Variants in CENPK observed in about 807,000 individuals in gnomAD.
CENPK encodes the protein centromere protein K.
CENPK carries 46 observed loss-of-function variants against 40.9 expected under a neutral mutation model. The ratio of observed to expected loss-of-function variants is 1.13; its 90% CI spans 0.89 to 1.44. CENPK has a LOEUF of 1.44. CENPK is among the 40% of genes most tolerant of loss of function. The pLI, the probability that CENPK is intolerant of heterozygous loss-of-function variation, is 0.00. For synonymous variants in CENPK, 107 were observed against 104.4 expected, an observed-to-expected ratio of 1.02 and a Z score of -0.15; for missense variants, 288 against 303.5, an observed-to-expected ratio of 0.95 and a Z score of 0.38.
chr5:65,546,186 G>C (rs753291745), intron 5 of CENPK, among the ~76,000 whole-genome samples: 65 of 152,064 alleles, frequency 4.3e-4, no homozygotes, highest in Admixed American at 1.4e-3. Context: ...TTAGTAACTA[G>C]TTATATGTTC....
chr5:65,544,943 T>C (rs930796311), intron 5 of CENPK, among the ~76,000 whole-genome samples: 6 of 152,148 alleles, frequency 3.9e-5, no homozygotes, highest in Non-Finnish European at 5.9e-5. Flanking sequence ...GTTCTGAAGA[T>C]ACACTGCATA....
Position 65,521,490 on chromosome 5 carries a change from C to T in CENPK, c.636G>A (p.Leu212=), listed in dbSNP as rs1743741013. 1 of 1,608,878 alleles carries T rather than the reference C, an allele frequency of 6.2e-7. No individual in the cohort carries two copies. The highest frequency in any genetic ancestry group is 1.3e-5 in the African/African-American group (1 of 74,754). The change falls in exon 10 of 11, where the codon CTG becomes CTA. Residue 212 remains leucine (L), a synonymous_variant. Transcript: ENST00000396679. ...IQESSVNLIT[L]HEMLEILINR... is the part of the protein sequence containing the mutation. ...AAACACTTACCTCTAACATTTCATG[C>T]AGTGTTATCAGGTTTACAGATGATT...
At chr5:65,536,169 C>T (rs1746860840) in intron 6 of CENPK, among the ~76,000 whole-genome samples, 3 of 152,110 alleles carry the variant, frequency 2.0e-5, no homozygotes, top group Non-Finnish European at 4.4e-5. Context: ...GGCACTGCAT[C>T]AAGTTTGGAT....
Position 65,561,555 on chromosome 5 carries a change from G to C in CENPK, c.-132C>G. On this transcript the variant is annotated 5_prime_UTR_variant, in exon 2 of 11. Transcript: ENST00000396679. ...ATGGCACCCAGATCTTGAATCTCCAGCCTCTAGACCTGTGAGAAATAAATT... is the reference window on the plus strand; with the variant it reads ...ATGGCACCCAGATCTTGAATCTCCACCCTCTAGACCTGTGAGAAATAAATT... 1 of 455,548 alleles carries C rather than the reference G, an allele frequency of 2.2e-6. No individual in the cohort carries two copies. Among genetic ancestry groups the C allele is most frequent in the Non-Finnish European group, 4.4e-6 (1 of 226,684 alleles). 28.2% of individuals were successfully genotyped at this position (455,548 alleles called of 1,614,324 possible).
chr5:65,499,667 A>ATTTT, the CENPK span, among the ~76,000 whole-genome samples: 44 of 109,620 alleles, frequency 4.0e-4, no homozygotes, highest in East Asian at 5.3e-4. Context: ...TTTTTTTTTA[A>ATTTT]TTTTTTTTTT....
At chr5:65,552,187 A>G (rs1011603232) in intron 4 of CENPK, among the ~76,000 whole-genome samples, 1 of 152,060 alleles carries the variant, frequency 6.6e-6, no homozygotes, top group African/African-American at 2.4e-5. Flanking sequence ...TCTTTGTTCT[A>G]ATTTTAACAA....
the CENPK span, among the ~76,000 whole-genome samples, chr5:65,505,240 G>A: frequency 1.3e-5 from 2 of 152,110 alleles, no homozygotes; most frequent in Non-Finnish European, 2.9e-5. Context: ...CAGCACCAAT[G>A]TCTATTGTTT....
At chr5:65,496,073 A>T in the CENPK span, among the ~76,000 whole-genome samples, 8 of 152,168 alleles carry the variant, frequency 5.3e-5, no homozygotes, top group African/African-American at 1.9e-4. Context: ...TCTGGGCAAC[A>T]TGGCAAAACC....
rs1014846378 is a variant in CENPK, at chr5:65,559,448, T to C, written c.-40+2015A>G. The stretch of plus-strand genomic sequence containing the variant: ...ATCGAGACCATCCCGGCTAAAAGGG[T>C]GAAACCCCGTCTCTACTAAAAATAC... On this transcript the variant is annotated intron_variant, in intron 2 of 10. Transcript: ENST00000396679. Among the ~76,000 whole-genome samples, 432 of 151,234 alleles carry C rather than the reference T, an allele frequency of 2.9e-3. 1 individual carries two copies. The highest frequency in any genetic ancestry group is 4.8e-3 in the Non-Finnish European group (323 of 67,800).
chr5:65,512,665 C>T, the CENPK span, among the ~76,000 whole-genome samples: 8 of 152,118 alleles, frequency 5.3e-5, no homozygotes, highest in South Asian at 2.1e-4. Flanking sequence ...TTTACATGTA[C>T]GGGGAAATCA....
chr5:65,556,893 G>A (rs766592236), intron 2 of CENPK, among the ~76,000 whole-genome samples: 4 of 152,122 alleles, frequency 2.6e-5, no homozygotes, highest in South Asian at 2.1e-4. Flanking sequence ...AATTACCTAC[G>A]GTATTCAGCC....
At position 65,529,206 on chromosome 5, in the gene CENPK, T is replaced by G; in HGVS notation, c.289-7A>C. Reference sequence around the variant, plus strand: ...CTTGTCTCAGCTTTTGGAACTAGAATAAAATAATTCAAATTAATTGCTTGG... The same window carrying G: ...CTTGTCTCAGCTTTTGGAACTAGAAGAAAATAATTCAAATTAATTGCTTGG... On this transcript the variant is annotated splice_region_variant and splice_polypyrimidine_tract_variant and intron_variant, in intron 6 of 10. Coordinates refer to ENST00000396679, the MANE Select transcript of CENPK (RefSeq NM_022145.5). 5.1e-6 allele frequency: 8 copies of G among 1,572,894 alleles called. No homozygotes were observed. The highest frequency in any genetic ancestry group is 7.0e-6 in the Non-Finnish European group (8 of 1,148,760).
At chr5:65,546,070 G>A (rs1748888296) in intron 5 of CENPK, among the ~76,000 whole-genome samples, 1 of 152,116 alleles carries the variant, frequency 6.6e-6, no homozygotes, top group African/African-American at 2.4e-5. Flanking sequence ...TCATTGCCAG[G>A]GTGGGGGAAA....
intron 5 of CENPK, among the ~76,000 whole-genome samples, chr5:65,548,850 C>G (rs546903066): frequency 6.6e-6 from 1 of 152,176 alleles, no homozygotes. Flanking sequence ...TTTGTAGTTA[C>G]TTGAACCCCT....
At chr5:65,510,763 C>T in the CENPK span, among the ~76,000 whole-genome samples, 2 of 140,678 alleles carry the variant, frequency 1.4e-5, no homozygotes, top group Non-Finnish European at 3.0e-5. Context: ...ACAACAAGAG[C>T]GAAACTCCAT....
downstream of CENPK, among the ~76,000 whole-genome samples, chr5:65,515,392 G>T (rs184710596): frequency 6.6e-6 from 1 of 151,614 alleles, no homozygotes; most frequent in African/African-American, 2.4e-5. Flanking sequence ...TAGTAGAGAC[G>T]GGGTTTCACC....
intron 5 of CENPK, among the ~76,000 whole-genome samples, chr5:65,550,256 A>G (rs183764436): frequency 1.2e-4 from 18 of 151,886 alleles, no homozygotes; most frequent in South Asian, 4.2e-4. Flanking sequence ...CTTTTGGCCT[A>G]TCTTGGCTTC....
intron 6 of CENPK, among the ~76,000 whole-genome samples, chr5:65,535,132 C>A (rs965402585): frequency 1.6e-4 from 25 of 151,942 alleles, no homozygotes; most frequent in African/African-American, 6.0e-4. Context: ...TAGGAGAATC[C>A]CTTAAGTAGG....
intron 10 of CENPK, among the ~76,000 whole-genome samples, chr5:65,519,586 G>T (rs950049999): frequency 9.9e-5 from 15 of 152,064 alleles, no homozygotes; most frequent in African/African-American, 3.6e-4. Flanking sequence ...ACTGAAAGAT[G>T]CTATTATTTT....
Sources: allele counts gnomAD v4.1 joint callset (sites outside exome capture counted in the v4.1 genomes callset), GRCh38; gene constraint gnomAD v4.1.1; transcripts MANE v1.5; gene names NCBI Gene and HGNC (gene_info 2026-07-23, HGNC 2026-07-21).